FAM13A: variants seen among roughly 807,000 people sequenced by gnomAD.
FAM13A encodes family with sequence similarity 13 member A.
In FAM13A, 76 loss-of-function variants were observed where a neutral mutation model predicts 129.6. The ratio of observed to expected loss-of-function variants is 0.59; its 90% CI spans 0.49 to 0.71. FAM13A has a LOEUF of 0.71. Ranked by LOEUF, FAM13A falls within the 30% of genes least tolerant of loss-of-function variation. FAM13A has a pLI of 0.00. For missense variants in FAM13A, 1,108 were observed against 1,249.3 expected (o/e 0.89, Z 1.70); for synonymous variants, 443 against 449.9 (o/e 0.98, Z 0.20).
intron 6 of FAM13A, among the ~76,000 whole-genome samples, chr4:88,897,687 G>A (rs895945558): frequency 6.6e-6 from 1 of 152,130 alleles, no homozygotes; most frequent in African/African-American, 2.4e-5. Context: ...CCAAGGATAG[G>A]CATCACCCTC....
chr4:88,785,149 A>G (rs1723714263), intron 10 of FAM13A, among the ~76,000 whole-genome samples: 1 of 152,190 alleles, frequency 6.6e-6, no homozygotes, highest in Admixed American at 6.6e-5. Context: ...GGCTTCTTCA[A>G]GAATATTTTT....
At chr4:88,913,652 A>G (rs1181872746) in intron 5 of FAM13A, among the ~76,000 whole-genome samples, 3 of 152,366 alleles carry the variant, frequency 2.0e-5, no homozygotes, top group African/African-American at 7.2e-5. Flanking sequence ...ATTGCCTGGT[A>G]TAGCAGGAAC....
rs185710807 is a variant in FAM13A at position 88,814,871 on chromosome 4, G to T, written c.1008-9819C>A. 1.3e-4 allele frequency among the ~76,000 whole-genome samples: 19 copies of T among 151,864 alleles called. No homozygotes were observed. In the East Asian group the frequency reaches 2.9e-3, roughly 23 times the overall value. On this transcript the variant is annotated intron_variant, in intron 7 of 23. Coordinates refer to ENST00000264344, the MANE Select transcript of FAM13A (RefSeq NM_014883.4). ...TTTTTTTTGGGGGGAGTGTGACAGG[G>T]TCTTAATCTGTCATCTAGGCTGGAG...
intron 4 of FAM13A, among the ~76,000 whole-genome samples, chr4:88,975,741 G>A (rs9307053): frequency 0.69 from 105,613 of 152,138 alleles, 36,787 homozygotes; most frequent in Middle Eastern, 0.8. Flanking sequence ...ACTTAACAAC[G>A]GACTCTGTGC....
At chr4:88,941,381 A>G (rs928461779) in intron 4 of FAM13A, among the ~76,000 whole-genome samples, 2 of 152,170 alleles carry the variant, frequency 1.3e-5, no homozygotes, top group African/African-American at 2.4e-5. Flanking sequence ...AAGGAAAGTA[A>G]CTTTAAAATG....
At chr4:89,015,661 A>G (rs1197349347) in intron 3 of FAM13A, among the ~76,000 whole-genome samples, 1 of 152,190 alleles carries the variant, frequency 6.6e-6, no homozygotes, top group Non-Finnish European at 1.5e-5. Context: ...GTGAAAACTT[A>G]CTATACTATA....
chr4:88,880,783 C>CGGGGGGGGGGGGGGGGGGGGGGGGGGG (rs70959631), intron 6 of FAM13A, among the ~76,000 whole-genome samples: 1 of 30,054 alleles, frequency 3.3e-5, no homozygotes, highest in African/African-American at 1.6e-4. Flanking sequence ...CGGTGGGGGG[C>CGGGGGGGGGGGGGGGGGGGGGGGGGGG]GGGGGGGGGG....
chr4:88,949,240 C>T (rs1206217961), intron 4 of FAM13A, among the ~76,000 whole-genome samples: 2 of 152,084 alleles, frequency 1.3e-5, no homozygotes, highest in East Asian at 3.9e-4. Context: ...ATTTGTAACC[C>T]CTTTTGGTAT....
intron 13 of FAM13A, chr4:88,759,601 C>T (rs1235477999): frequency 6.6e-6 from 1 of 151,908 alleles, no homozygotes; most frequent in Non-Finnish European, 1.5e-5. Flanking sequence ...ACACAGGGAG[C>T]AATTTTTTTT....
At chr4:88,934,624 C>A (rs1210486022) in intron 5 of FAM13A, among the ~76,000 whole-genome samples, 1 of 152,184 alleles carries the variant, frequency 6.6e-6, no homozygotes, top group African/African-American at 2.4e-5. Flanking sequence ...GAAAGATGTG[C>A]TTCTCCTAAC....
At chr4:88,926,167 G>A (rs1368605634) in intron 5 of FAM13A, among the ~76,000 whole-genome samples, 1 of 152,044 alleles carries the variant, frequency 6.6e-6, no homozygotes, top group Non-Finnish European at 1.5e-5. Context: ...AATTCCAATC[G>A]AGGAGTAAAG....
chr4:88,957,126 G>C (rs1757873615), intron 4 of FAM13A, among the ~76,000 whole-genome samples: 1 of 152,200 alleles, frequency 6.6e-6, no homozygotes, highest in Admixed American at 6.5e-5. Flanking sequence ...AGGAGTTGGA[G>C]ACCAGCCTGG....
At chr4:88,953,177 T>G (rs1757210116) in intron 4 of FAM13A, among the ~76,000 whole-genome samples, 1 of 151,732 alleles carries the variant, frequency 6.6e-6, no homozygotes, top group Admixed American at 6.6e-5. Context: ...CCCTCTCAGC[T>G]GGGCGTGGTG....
chr4:88,792,458 C>T (rs1725370079), intron 8 of FAM13A, among the ~76,000 whole-genome samples: 1 of 152,080 alleles, frequency 6.6e-6, no homozygotes, highest in Non-Finnish European at 1.5e-5. Context: ...CCTCACAATG[C>T]CTGTTATTCA....
chr4:89,047,705 C>A (rs1366263660), intron 1 of FAM13A, among the ~76,000 whole-genome samples: 1 of 152,130 alleles, frequency 6.6e-6, no homozygotes, highest in African/African-American at 2.4e-5. Flanking sequence ...TGAAAACTAG[C>A]GGCTTTGGTG....
chr4:88,854,458 T>C (rs1738149721), intron 6 of FAM13A, among the ~76,000 whole-genome samples: 1 of 152,220 alleles, frequency 6.6e-6, no homozygotes, highest in Non-Finnish European at 1.5e-5. Context: ...GGATACAGAC[T>C]GGGGAGGCCA....
At chr4:88,965,289 C>T (rs999366075) in intron 4 of FAM13A, among the ~76,000 whole-genome samples, 1 of 152,204 alleles carries the variant, frequency 6.6e-6, no homozygotes, top group Non-Finnish European at 1.5e-5. Flanking sequence ...CCAAAGTAGA[C>T]TCTGGGTTTG....
rs549772002 is a variant in FAM13A, at chr4:88,901,924, C to A, written c.843+4455G>T. Among the ~76,000 whole-genome samples, 17 of 152,144 alleles carry A rather than the reference C, an allele frequency of 1.1e-4. No individual in the cohort carries two copies. In the South Asian group the frequency reaches 1.7e-3, roughly 15 times the overall value. On this transcript the variant is annotated intron_variant, in intron 6 of 23. Transcript: ENST00000264344. ...AAGGGGGATATTACCACTGACCCCA[C>A]AGAAATACAAACAACCAGAGAATAC...
intron 1 of FAM13A, among the ~76,000 whole-genome samples, chr4:89,046,518 C>G (rs1330281277): frequency 6.6e-6 from 1 of 151,988 alleles, no homozygotes; most frequent in East Asian, 1.9e-4. Flanking sequence ...AATGTGATAC[C>G]ATTTGTTATC....
Sources: gnomAD v4.1 joint callset for allele counts (sites outside exome capture counted in the v4.1 genomes callset) on GRCh38, gnomAD v4.1.1 for gene constraint, MANE v1.5 for transcripts, NCBI Gene and HGNC (gene_info 2026-07-23, HGNC 2026-07-21) for gene names.